The following PLXNA4 variants were observed in gnomAD, a reference collection of about 807,000 sequenced individuals.
PLXNA4 encodes plexin A4.
Under a neutral mutation model 191.8 loss-of-function variants are expected in PLXNA4, and 44 were observed. That is an observed-to-expected ratio of 0.23 (90% CI 0.18 to 0.29). The LOEUF (loss-of-function observed/expected upper bound fraction) is 0.29. Ranked by LOEUF, PLXNA4 falls within the 10% of genes least tolerant of loss-of-function variation. The pLI is 1.00. For synonymous variants in PLXNA4, 1,082 were observed against 1,009.5 expected (o/e 1.07, Z -1.36); for missense variants, 1,800 against 2,488.8 (o/e 0.72, Z 5.89).
chr7:132,213,262 G>A (rs1797861031), intron 9 of PLXNA4, among the ~76,000 whole-genome samples: 1 of 152,224 alleles, frequency 6.6e-6, no homozygotes, highest in Non-Finnish European at 1.5e-5. Flanking sequence ...GTAGTTGTTT[G>A]ATGGGAACAG....
chr7:132,248,661 C>T (rs575112551), intron 4 of PLXNA4, among the ~76,000 whole-genome samples: 2 of 152,128 alleles, frequency 1.3e-5, no homozygotes, highest in Non-Finnish European at 2.9e-5. Context: ...TCAGTACCTC[C>T]CACGCTGGCC....
intron 3 of PLXNA4, among the ~76,000 whole-genome samples, chr7:132,316,438 A>T (rs900127203): frequency 6.6e-6 from 1 of 152,218 alleles, no homozygotes. Context: ...CACTTTACGG[A>T]TCAAGTCACT....
Position 132,190,147 on chromosome 7 carries a change from A to T in PLXNA4, c.2857-2540T>A, listed in dbSNP as rs114447956. On this transcript the variant is annotated intron_variant, in intron 14 of 31. Transcript: ENST00000321063. The stretch of plus-strand genomic sequence containing the variant: ...CCCATCTTTTGGTGCACTAGACCTT[A>T]TGCTGGGAACAGCCTCCCACCACTT... 4.5e-3 allele frequency among the ~76,000 whole-genome samples: 679 copies of T among 152,238 alleles called. 6 individuals carry two copies. Among genetic ancestry groups the T allele is most frequent in the African/African-American group, 0.015 (635 of 41,526 alleles).
At chr7:132,565,515 G>A (rs1801680707) in intron 1 of PLXNA4, among the ~76,000 whole-genome samples, 1 of 152,142 alleles carries the variant, frequency 6.6e-6, no homozygotes, top group Non-Finnish European at 1.5e-5. Flanking sequence ...CGACAGTCTT[G>A]CAGCTTCCTT....
At chr7:132,278,343 G>A (rs1388346058) in intron 4 of PLXNA4, among the ~76,000 whole-genome samples, 1 of 152,208 alleles carries the variant, frequency 6.6e-6, no homozygotes, top group Non-Finnish European at 1.5e-5. Context: ...GCCAGAGTCT[G>A]AGACTGGGAG....
At chr7:132,648,652 T>A (rs1236926240) in exon 1 of PLXNA4, 3 of 152,182 alleles carry the variant, frequency 2.0e-5, no homozygotes, top group African/African-American at 7.2e-5. Flanking sequence ...GGGCAAGATC[T>A]CCATGCATTA....
chr7:132,455,627 C>T (rs1176723291), intron 3 of PLXNA4, among the ~76,000 whole-genome samples: 1 of 152,172 alleles, frequency 6.6e-6, no homozygotes, highest in East Asian at 1.9e-4. Flanking sequence ...GGAGAATCCT[C>T]CGTTTGCATT....
intron 4 of PLXNA4, among the ~76,000 whole-genome samples, chr7:132,261,912 G>A (rs1013650789): frequency 1.3e-5 from 2 of 152,176 alleles, no homozygotes; most frequent in African/African-American, 2.4e-5. Flanking sequence ...GGAAATGAGT[G>A]TATCTCAGAG....
At chr7:132,264,857 C>T (rs1332444474) in intron 4 of PLXNA4, among the ~76,000 whole-genome samples, 2 of 152,038 alleles carry the variant, frequency 1.3e-5, no homozygotes, top group Admixed American at 1.3e-4. Context: ...GCCACCTCAC[C>T]CAGCTAATTC....
intron 3 of PLXNA4, among the ~76,000 whole-genome samples, chr7:132,312,917 C>T (rs1801801520): frequency 6.6e-6 from 1 of 152,218 alleles, no homozygotes; most frequent in South Asian, 2.1e-4. Flanking sequence ...ACCCATGACA[C>T]ACCTCTGGCA....
chr7:132,261,428 C>T (rs947403623), intron 4 of PLXNA4, among the ~76,000 whole-genome samples: 5 of 152,212 alleles, frequency 3.3e-5, no homozygotes, highest in Non-Finnish European at 5.9e-5. Flanking sequence ...GAAGCACCAG[C>T]GCAATCCAGA....
chr7:132,365,057 C>T (rs1585039693), intron 3 of PLXNA4, among the ~76,000 whole-genome samples: 1 of 152,286 alleles, frequency 6.6e-6, no homozygotes, highest in African/African-American at 2.4e-5. Flanking sequence ...CTCGTGAATG[C>T]CCTTCCTACC....
At chr7:132,492,016 T>C (rs1160732030) in intron 2 of PLXNA4, among the ~76,000 whole-genome samples, 1 of 152,196 alleles carries the variant, frequency 6.6e-6, no homozygotes, top group East Asian at 1.9e-4. Flanking sequence ...ATGTTCCTGC[T>C]TCTGGTTCAC....
Position 132,181,484 on chromosome 7 carries a change from A to G in PLXNA4, c.3389T>C (p.Ile1130Thr). ...FILDNVQSLL[I>T]LNKTNFTYYP... ...GTAGGTGAAGTTGGTCTTGTTGAGG[A>G]TGAGCAGGGACTGGACGTTGTCCAG... Residue 1130 changes from isoleucine (I) to threonine (T), a missense_variant, in exon 18 of 32, where the codon ATC (isoleucine) becomes ACC (threonine). Ile to Thr is a moderately conservative substitution (Grantham distance 89). Transcript: ENST00000321063. 1 of 1,614,116 alleles carries G rather than the reference A, an allele frequency of 6.2e-7. No individual in the cohort carries two copies. The highest frequency in any genetic ancestry group is 8.5e-7 in the Non-Finnish European group (1 of 1,180,020).
intron 3 of PLXNA4, among the ~76,000 whole-genome samples, chr7:132,439,553 C>T (rs147183207): frequency 5.9e-5 from 9 of 152,128 alleles, no homozygotes; most frequent in Admixed American, 5.9e-4. Context: ...AGCTACCCTT[C>T]CCAGTCACCT....
intron 2 of PLXNA4, among the ~76,000 whole-genome samples, chr7:132,582,490 C>G (rs191834285): frequency 3.5e-4 from 53 of 152,296 alleles, no homozygotes; most frequent in Non-Finnish European, 6.9e-4. Context: ...CATGAAGTGA[C>G]AGTGTCCAAG....
At chr7:132,467,031 G>A (rs1031058571) in intron 3 of PLXNA4, among the ~76,000 whole-genome samples, 6 of 152,128 alleles carry the variant, frequency 3.9e-5, no homozygotes, top group South Asian at 2.1e-4. Context: ...TAAGCAGCCC[G>A]GTCAGGTAAA....
At chr7:132,640,425 C>T (rs1262402535) in intron 2 of PLXNA4, among the ~76,000 whole-genome samples, 3 of 152,060 alleles carry the variant, frequency 2.0e-5, no homozygotes, top group Non-Finnish European at 2.9e-5. Context: ...GAGATAGGGC[C>T]TTTGGGGAGG....
intron 25 of PLXNA4, among the ~76,000 whole-genome samples, chr7:132,155,903 T>A (rs1795777417): frequency 3.9e-5 from 6 of 152,192 alleles, no homozygotes; most frequent in Admixed American, 3.9e-4. Context: ...CTCTCCATAA[T>A]GTAGGTGGGC....
Sources: gnomAD v4.1 joint callset for allele counts (sites outside exome capture counted in the v4.1 genomes callset) on GRCh38, gnomAD v4.1.1 for gene constraint, MANE v1.5 for transcripts, NCBI Gene and HGNC (gene_info 2026-07-23, HGNC 2026-07-21) for gene names.